ACAP2: variants seen among roughly 807,000 people sequenced by gnomAD.
ACAP2 encodes the protein ArfGAP with coiled-coil, ankyrin repeat and PH domains 2, also known as arf-GAP with coiled-coil, ANK repeat and PH domain-containing protein 2.
In ACAP2, 39 loss-of-function variants were observed where a neutral mutation model predicts 115.8. That is an observed-to-expected ratio of 0.34 (90% CI 0.26 to 0.44). The LOEUF is 0.44. ACAP2 is among the 20% of genes least tolerant of loss of function. ACAP2 has a pLI of 1.00. For synonymous variants in ACAP2, 289 were observed against 315.8 expected (o/e 0.92, Z 0.90); for missense variants, 662 against 927.6 (o/e 0.71, Z 3.72).
intron 2 of ACAP2, among the ~76,000 whole-genome samples, chr3:195,383,744 G>A (rs565157136): frequency 2.6e-5 from 4 of 151,518 alleles, no homozygotes; most frequent in Non-Finnish European, 5.9e-5. Context: ...AAATCACAAA[G>A]GACAAGTTTC....
At chr3:195,335,286 G>A (rs912853120) in intron 7 of ACAP2, among the ~76,000 whole-genome samples, 13 of 152,018 alleles carry the variant, frequency 8.6e-5, no homozygotes, top group Non-Finnish European at 2.9e-5. Context: ...AAAAACATGT[G>A]CCAACCCCTA....
chr3:195,355,361 T>C (rs908947829), intron 4 of ACAP2, among the ~76,000 whole-genome samples: 1 of 149,852 alleles, frequency 6.7e-6, no homozygotes, highest in Non-Finnish European at 1.5e-5. Flanking sequence ...TATATTAAAC[T>C]GCTACACAGA....
intron 1 of ACAP2, chr3:195,419,361 G>C (rs1254206458): frequency 6.6e-6 from 1 of 152,024 alleles, no homozygotes; most frequent in Admixed American, 6.6e-5. Flanking sequence ...CAAATACATA[G>C]GATTTGAAAG....
intron 1 of ACAP2, among the ~76,000 whole-genome samples, chr3:195,431,407 G>A (rs931141273): frequency 2.6e-5 from 4 of 151,840 alleles, no homozygotes; most frequent in Non-Finnish European, 4.4e-5. Flanking sequence ...GGAATGGCTC[G>A]CTAGAACTCA....
At chr3:195,350,867 C>G (rs770114603) in intron 4 of ACAP2, among the ~76,000 whole-genome samples, 22 of 151,690 alleles carry the variant, frequency 1.5e-4, no homozygotes, top group Admixed American at 6.6e-5. Context: ...TAAAATTTAA[C>G]TTGAAATAGA....
At chr3:195,307,451 CA>C (rs1728495922) in intron 11 of ACAP2, 128 bp from the exon 12 acceptor site, 2 of 608,668 alleles carry the variant, frequency 3.3e-6, no homozygotes, top group Middle Eastern at 2.7e-4. Flanking sequence ...ATTTTAGAAA[CA>C]GGGGTTATCA....
chr3:195,354,495 T>G (rs1285370807), intron 4 of ACAP2, among the ~76,000 whole-genome samples: 6 of 152,242 alleles, frequency 3.9e-5, no homozygotes, highest in Non-Finnish European at 8.8e-5. Flanking sequence ...GAGAAATGTC[T>G]GTTCATGTCC....
At chr3:195,434,513 GGCATAA>G (rs1715383665) in intron 1 of ACAP2, among the ~76,000 whole-genome samples, 1 of 152,174 alleles carries the variant, frequency 6.6e-6, no homozygotes, top group African/African-American at 2.4e-5. Flanking sequence ...TGGGAATATA[GGCATAA>G]GCCATTGTGC....
chr3:195,416,362 T>C (rs1577447070), intron 1 of ACAP2, among the ~76,000 whole-genome samples: 1 of 150,428 alleles, frequency 6.6e-6, no homozygotes, highest in African/African-American at 2.4e-5. Context: ...AAAAAAATCC[T>C]CAACATCACC....
At chr3:195,291,591 G>T in intron 20 of ACAP2, 115 bp downstream of exon 20, 1 of 687,550 alleles carries the variant, frequency 1.5e-6, no homozygotes, top group Non-Finnish European at 2.3e-6. Flanking sequence ...ATAAGTCATG[G>T]AACACATCTC....
chr3:195,414,267 G>T (rs928533686), intron 1 of ACAP2, among the ~76,000 whole-genome samples: 2 of 152,074 alleles, frequency 1.3e-5, no homozygotes, highest in Admixed American at 6.6e-5. Flanking sequence ...CTTTAAAAAA[G>T]AAATACATAC....
rs1245463540 is a variant in ACAP2 at position 195,279,357 on chromosome 3, G to A, written c.2308C>T (p.Arg770Cys). 2.5e-6 allele frequency: 4 copies of A among 1,604,032 alleles called. No individual in the cohort carries two copies. The highest frequency in any genetic ancestry group is 3.4e-6 in the Non-Finnish European group (4 of 1,177,016). The change falls in exon 23 of 23, where the codon CGT (arginine) becomes TGT (cysteine). Residue 770 changes from arginine to cysteine, a missense_variant. By Grantham distance (180) the Arg-to-Cys change is radical. Around this residue, in one of 3 missense-constraint regions of ACAP2, gnomAD observed 128 missense variants for 200.2 expected, o/e 0.64. Coordinates refer to ENST00000326793, the MANE Select transcript of ACAP2 (RefSeq NM_012287.6). ...MASNNPEKLN[R>C]FQQDSQKF ...AATTTCTGTGAATCTTGCTGGAAAC[G>A]ATTTAGTTTCTCTGGATTATTGGAT... is the stretch of plus-strand genomic sequence containing the variant.
Position 195,292,347 on chromosome 3 carries a change from T to G in ACAP2, c.1871A>C (p.Glu624Ala). The G allele has an allele frequency of 1.2e-6, 2 of 1,613,344 alleles. No homozygotes were observed. The highest frequency in any genetic ancestry group is 8.5e-7 in the Non-Finnish European group (1 of 1,179,626). The stretch of plus-strand genomic sequence containing the variant: ...CACGTCTGCACCATGAGCCAAAGCC[T>G]CAGCCATTTTAGGAAGGTTTTTTTC... Reference protein sequence around the residue: ...SYEKNLPKMAEALAHGADVNW... With the variant: ...SYEKNLPKMAAALAHGADVNW... The change falls in exon 19 of 23, where the codon GAG becomes GCG. Residue 624 changes from glutamate to alanine, a missense_variant. Physicochemically the swap from Glu to Ala is moderately radical, Grantham distance 107. Transcript: ENST00000326793.
At chr3:195,295,102 A>T in intron 17 of ACAP2, 1 of 607,526 alleles carries the variant, frequency 1.6e-6, no homozygotes, top group Non-Finnish European at 2.5e-6. Context: ...AGTAACGTGT[A>T]ATTCTGAGAC....
In ACAP2 at chr3:195,279,292, T is replaced by TC; in HGVS notation, c.*35dup. ...TTTTTTAGCTGTATACATTAGGGGG[T>TC]CACCAGATTTCATATTTTCCCATTT... On this transcript the variant is annotated 3_prime_UTR_variant, in exon 23 of 23. Coordinates refer to ENST00000326793, the MANE Select transcript of ACAP2 (RefSeq NM_012287.6). 1 of 1,422,264 alleles carries TC rather than the reference T, an allele frequency of 7.0e-7. No homozygotes were observed. The highest frequency in any genetic ancestry group is 9.8e-7 in the Non-Finnish European group (1 of 1,016,798). The allele number at this position is 1,422,264 out of a possible 1,614,324, so 88.1% of individuals were successfully genotyped here.
intron 4 of ACAP2, among the ~76,000 whole-genome samples, chr3:195,376,080 G>A (rs1475237303): frequency 6.6e-6 from 1 of 151,962 alleles, no homozygotes; most frequent in East Asian, 1.9e-4. Context: ...AAAGTCATGT[G>A]TGTTCACATC....
At chr3:195,280,368 A>G (rs1726416908) in intron 22 of ACAP2, among the ~76,000 whole-genome samples, 1 of 152,290 alleles carries the variant, frequency 6.6e-6, no homozygotes, top group Admixed American at 6.5e-5. Flanking sequence ...GCTACTCGGG[A>G]GGCTGAGGCA....
chr3:195,328,864 G>A (rs899146372), intron 8 of ACAP2, among the ~76,000 whole-genome samples: 10 of 152,202 alleles, frequency 6.6e-5, no homozygotes, highest in Admixed American at 1.3e-4. Flanking sequence ...CGAATCACAA[G>A]GTCAGTAGAT....
intron 4 of ACAP2, 143 bp from the exon 5 acceptor site, chr3:195,345,460 C>T (rs79825581): frequency 0.027 from 15,528 of 565,796 alleles, 310 homozygotes; most frequent in Non-Finnish European, 0.037. Flanking sequence ...AAAGAAATAA[C>T]CATTTAAAAA....
Sources: gnomAD v4.1 joint callset for allele counts (sites outside exome capture counted in the v4.1 genomes callset) on GRCh38, gnomAD v4.1.1 for gene constraint, gnomAD v4.1.1 regional missense constraint, MANE v1.5 for transcripts, NCBI Gene and HGNC (gene_info 2026-07-23, HGNC 2026-07-21) for gene names.